Variants in SMOC2 observed in about 807,000 individuals in gnomAD.
The protein encoded by SMOC2 is SPARC-related modular calcium-binding protein 2.
A neutral mutation model predicts 61.4 loss-of-function variants in SMOC2; 39 were observed. That is an observed-to-expected ratio of 0.64 (90% CI 0.49 to 0.83). The LOEUF (loss-of-function observed/expected upper bound fraction) is 0.83, where lower values mean the gene tolerates loss of function less well. Ranked by LOEUF, SMOC2 falls within the 40% of genes least tolerant of loss-of-function variation. The pLI, the probability that SMOC2 is intolerant of heterozygous loss-of-function variation, is 0.00. For missense variants in SMOC2, 556 were observed against 592.9 expected (o/e 0.94, Z 0.65); for synonymous variants, 247 against 239.9 (o/e 1.03, Z -0.27).
chr6:168,620,447 C>T (rs532310802), intron 9 of SMOC2, among the ~76,000 whole-genome samples: 23 of 152,124 alleles, frequency 1.5e-4, no homozygotes, highest in African/African-American at 4.8e-4. Flanking sequence ...GTGAGGATTG[C>T]AGGTTTATGA....
intron 10 of SMOC2, among the ~76,000 whole-genome samples, chr6:168,651,215 T>G (rs1188401734): frequency 6.6e-6 from 1 of 152,246 alleles, no homozygotes; most frequent in Non-Finnish European, 1.5e-5. Context: ...GTACAGCACA[T>G]ACATTTGCTG....
intron 7 of SMOC2, among the ~76,000 whole-genome samples, chr6:168,554,514 G>A (rs1423226364): frequency 1.3e-5 from 2 of 152,134 alleles, no homozygotes; most frequent in African/African-American, 4.8e-5. Flanking sequence ...CCTGCCCCTG[G>A]AAGGGGTGGG....
chr6:168,490,456 T>C (rs1273983196), intron 1 of SMOC2, among the ~76,000 whole-genome samples: 2 of 152,158 alleles, frequency 1.3e-5, no homozygotes, highest in African/African-American at 4.8e-5. Context: ...GACCTTTCAC[T>C]GGGCAGCTGA....
chr6:168,599,418 AC>A (rs528633537), intron 8 of SMOC2, among the ~76,000 whole-genome samples: 62 of 58,056 alleles, frequency 1.1e-3, no homozygotes, highest in East Asian at 6.7e-3. Context: ...ACACATTCAT[AC>A]CCCCCACACC....
At chr6:168,461,364 A>G (rs1006676151) in intron 1 of SMOC2, among the ~76,000 whole-genome samples, 1 of 152,204 alleles carries the variant, frequency 6.6e-6, no homozygotes, top group Non-Finnish European at 1.5e-5. Context: ...ACCATATTAA[A>G]AGTGTAAGAA....
chr6:168,566,153 G>A (rs971675599), intron 7 of SMOC2, among the ~76,000 whole-genome samples: 5 of 152,038 alleles, frequency 3.3e-5, no homozygotes. Flanking sequence ...TGGCCGGCAG[G>A]GAGGTTTCTC....
intron 5 of SMOC2, among the ~76,000 whole-genome samples, chr6:168,545,225 T>G (rs894606818): frequency 9.9e-5 from 15 of 151,202 alleles, no homozygotes; most frequent in African/African-American, 4.9e-5. Context: ...CATTTCTTAA[T>G]CCTGTTTATT....
intron 1 of SMOC2, among the ~76,000 whole-genome samples, chr6:168,509,413 C>T (rs1782953490): frequency 6.6e-6 from 1 of 152,194 alleles, no homozygotes; most frequent in Non-Finnish European, 1.5e-5. Context: ...ATTTCACCTA[C>T]CTTCAGAGAA....
At chr6:168,565,442 G>A (rs1369934193) in intron 7 of SMOC2, among the ~76,000 whole-genome samples, 1 of 152,272 alleles carries the variant, frequency 6.6e-6, no homozygotes, top group South Asian at 2.1e-4. Flanking sequence ...TCTTCCCTCA[G>A]TTTGCTCCTT....
At chr6:168,467,911 A>G (rs1781880564) in intron 1 of SMOC2, among the ~76,000 whole-genome samples, 1 of 152,228 alleles carries the variant, frequency 6.6e-6, no homozygotes, top group Admixed American at 6.5e-5. Context: ...TTTGTTATGC[A>G]AAAGGATTTA....
chr6:168,606,169 C>T (rs1183434911), intron 8 of SMOC2, among the ~76,000 whole-genome samples: 1 of 152,204 alleles, frequency 6.6e-6, no homozygotes, highest in African/African-American at 2.4e-5. Flanking sequence ...TTACTTCTCA[C>T]CTGCTGGCCG....
intron 7 of SMOC2, among the ~76,000 whole-genome samples, chr6:168,570,148 G>T (rs988609553): frequency 6.7e-6 from 1 of 150,310 alleles, no homozygotes; most frequent in African/African-American, 2.4e-5. Context: ...GGGGGTCGGG[G>T]GAGGGCTCAG....
intron 2 of SMOC2, among the ~76,000 whole-genome samples, chr6:168,522,471 A>G (rs1783350892): frequency 6.6e-6 from 1 of 152,258 alleles, no homozygotes; most frequent in Non-Finnish European, 1.5e-5. Flanking sequence ...ATGAATAAAC[A>G]AAATATGGTC....
intron 1 of SMOC2, among the ~76,000 whole-genome samples, chr6:168,489,811 C>T (rs1782428280): frequency 6.6e-6 from 1 of 151,896 alleles, no homozygotes; most frequent in East Asian, 1.9e-4. Flanking sequence ...CATCTGGGTC[C>T]CCTTGCATCA....
At chr6:168,463,617 GAAGAGT>G (rs1283448037) in intron 1 of SMOC2, among the ~76,000 whole-genome samples, 2 of 152,286 alleles carry the variant, frequency 1.3e-5, no homozygotes, top group African/African-American at 2.4e-5. Context: ...ACGGAAGAAA[GAAGAGT>G]AAGGTGCGGC....
At chr6:168,661,558 C>T (rs28712332) in intron 11 of SMOC2, among the ~76,000 whole-genome samples, 5,441 of 152,126 alleles carry the variant, frequency 0.036, 185 homozygotes, top group East Asian at 0.21. Context: ...GCTGAGATCG[C>T]GCCACTGCAC....
intron 8 of SMOC2, among the ~76,000 whole-genome samples, chr6:168,603,162 C>T (rs547361707): frequency 1.3e-5 from 2 of 151,906 alleles, no homozygotes; most frequent in Non-Finnish European, 2.9e-5. Flanking sequence ...GAAAGGGTGC[C>T]TGCGTCTCCT....
intron 9 of SMOC2, among the ~76,000 whole-genome samples, chr6:168,616,534 G>A (rs898190527): frequency 1.3e-5 from 2 of 152,198 alleles, no homozygotes; most frequent in Admixed American, 6.5e-5. Context: ...GATATGGCAA[G>A]AGACCGTTCC....
intron 1 of SMOC2, among the ~76,000 whole-genome samples, chr6:168,504,155 C>G (rs1782807435): frequency 6.6e-6 from 1 of 152,040 alleles, no homozygotes. Context: ...GGCTTCTCAT[C>G]CAGCTCCTCT....
Sources: gnomAD v4.1 joint callset for allele counts (sites outside exome capture counted in the v4.1 genomes callset) on GRCh38, gnomAD v4.1.1 for gene constraint, MANE v1.5 for transcripts, NCBI Gene and HGNC (gene_info 2026-07-23, HGNC 2026-07-21) for gene names.